Variants in IL6R observed in about 807,000 individuals in gnomAD.
The protein encoded by IL6R is interleukin 6 receptor, also known as interleukin-6 receptor subunit alpha.
Under a neutral mutation model 48.3 loss-of-function variants are expected in IL6R, and 38 were observed. The ratio of observed to expected loss-of-function variants is 0.79; its 90% confidence interval spans 0.61 to 1.03. The LOEUF (loss-of-function observed/expected upper bound fraction) is 1.03. Ranked by LOEUF, IL6R falls within the 50% of genes least tolerant of loss-of-function variation. The pLI is 0.00. For synonymous variants in IL6R, 264 were observed against 256.2 expected, an observed-to-expected ratio of 1.03 and a Z score of -0.29; for missense variants, 534 against 618.3, an observed-to-expected ratio of 0.86 and a Z score of 1.45.
intron 9 of IL6R, among the ~76,000 whole-genome samples, chr1:154,456,482 C>T (rs1690897881): frequency 6.6e-6 from 1 of 152,166 alleles, no homozygotes; most frequent in Non-Finnish European, 1.5e-5. Context: ...GCTGGGATTA[C>T]AGGCGTGAGC....
rs187865478 is a variant in IL6R at position 154,426,507 on chromosome 1, C to T, written c.86-2689C>T. Among the ~76,000 whole-genome samples, 361 of 135,334 alleles carry T rather than the reference C, an allele frequency of 2.7e-3. 1 individual carries two copies. The highest frequency in any genetic ancestry group is 7.6e-3 in the Middle Eastern group (2 of 262). 88.8% of individuals were successfully genotyped at this position (135,334 alleles called of 152,430 possible). On this transcript the variant is annotated intron_variant, in intron 1 of 9. Coordinates refer to ENST00000368485, the MANE Select transcript of IL6R (RefSeq NM_000565.4). The stretch of plus-strand genomic sequence containing the variant: ...TTGCACTCCAGCCTGGGTGATAGAG[C>T]GAGATTCTGTCTCAAAAAAAAAAAA...
intron 8 of IL6R, chr1:154,454,284 A>G: frequency 1.7e-6 from 1 of 588,270 alleles, no homozygotes; most frequent in Admixed American, 3.0e-5. Flanking sequence ...TAAGAAACAA[A>G]CAAACAAACA....
intron 9 of IL6R, 138 bp from the exon 10 acceptor site, chr1:154,464,996 G>A (rs1362557895): frequency 1.1e-6 from 1 of 882,384 alleles, no homozygotes; most frequent in Non-Finnish European, 1.8e-6. Context: ...AAAGACAGCT[G>A]ATAGTTATTG....
At position 154,405,579 on chromosome 1, in the gene IL6R, A is replaced by G. The variant is rs1558292618; in HGVS notation, c.-51A>G. On this transcript the variant is annotated 5_prime_UTR_variant, in exon 1 of 10. Coordinates refer to ENST00000368485, the MANE Select transcript of IL6R (RefSeq NM_000565.4). This position sits in a 1 kb window ranked among gnomAD's most constrained non-coding sequence, Gnocchi z 5.2. ...CTGCCACCCCTGCCGCCCGGTTCCC[A>G]TTAGCCTGTCCGCCTCTGCGGGACC... is the stretch of plus-strand genomic sequence containing the variant. 9.1e-7 allele frequency: 1 copy of G among 1,093,132 alleles called. No homozygotes were observed. The highest frequency in any genetic ancestry group is 3.1e-5 in the Admixed American group (1 of 32,720). The allele number at this position is 1,093,132 out of a possible 1,614,324, so 67.7% of individuals were successfully genotyped here. A position where few individuals can be genotyped will look rare whatever the true frequency, so the allele number is the denominator to read the frequency against.
chr1:154,460,062 G>C (rs1261668729), intron 9 of IL6R, among the ~76,000 whole-genome samples: 1 of 152,030 alleles, frequency 6.6e-6, no homozygotes, highest in Non-Finnish European at 1.5e-5. Context: ...GTGGCAACTT[G>C]GTTTCTACAT....
chr1:154,413,829 ATC>A (rs369231171), intron 1 of IL6R, among the ~76,000 whole-genome samples: 290 of 111,676 alleles, frequency 2.6e-3, no homozygotes, highest in African/African-American at 7.4e-3. Context: ...CTTTTTTTCC[ATC>A]TCTCTCTCTC....
At chr1:154,408,601 A>G (rs1383028216) in intron 1 of IL6R, among the ~76,000 whole-genome samples, 1 of 151,894 alleles carries the variant, frequency 6.6e-6, no homozygotes, top group Admixed American at 6.6e-5. Flanking sequence ...CCTGACCCTG[A>G]CCCTCATCTC....
At chr1:154,451,504 T>C (rs114239456) in intron 8 of IL6R, among the ~76,000 whole-genome samples, 4,541 of 151,650 alleles carry the variant, frequency 0.03, 224 homozygotes, top group African/African-American at 0.11. Context: ...GGCCACAGAG[T>C]GAGATTCCAT....
chr1:154,454,850 C>G (rs1355006347), intron 9 of IL6R, among the ~76,000 whole-genome samples: 1 of 152,156 alleles, frequency 6.6e-6, no homozygotes, highest in Admixed American at 6.6e-5. Context: ...CTACAAAAAG[C>G]ATGCCATGGT....
At chr1:154,430,191 C>G (rs987651011) in intron 2 of IL6R, among the ~76,000 whole-genome samples, 3 of 152,184 alleles carry the variant, frequency 2.0e-5, no homozygotes, top group Non-Finnish European at 4.4e-5. Context: ...CTCCAAAGCC[C>G]TTTTTTTCGA....
chr1:154,412,990 A>C (rs1200711541), intron 1 of IL6R, among the ~76,000 whole-genome samples: 1 of 123,628 alleles, frequency 8.1e-6, no homozygotes, highest in African/African-American at 3.0e-5. Flanking sequence ...TACTGAGTTT[A>C]TTTATCTGGT....
At chr1:154,462,415 C>G (rs1228234185) in intron 9 of IL6R, among the ~76,000 whole-genome samples, 1 of 150,628 alleles carries the variant, frequency 6.6e-6, no homozygotes, top group Non-Finnish European at 1.5e-5. Context: ...TTCTTATTGC[C>G]CAGGCTGGAA....
Position 154,443,075 on chromosome 1 carries a change from C to T in IL6R, c.950-5050C>T, listed in dbSNP as rs548891160. ...GGCTGGAGCCCCTTTTCAAAGAGGG[C>T]GTGGGGCAAAATGCCTGGGAAAAGC... On this transcript the variant is annotated intron_variant, in intron 6 of 9. Transcript: ENST00000368485. 1.6e-4 allele frequency among the ~76,000 whole-genome samples: 25 copies of T among 152,222 alleles called. No individual in the cohort carries two copies. The South Asian group carries it at 3.1e-3, about 19-fold the overall frequency.
intron 9 of IL6R, among the ~76,000 whole-genome samples, chr1:154,463,908 G>C (rs4509570): frequency 0.67 from 102,260 of 152,028 alleles, 35,846 homozygotes; most frequent in East Asian, 0.83. Context: ...CAGTGGTGCC[G>C]ACAGTTGAGT....
chr1:154,452,015 G>A (rs1053162692), intron 8 of IL6R, among the ~76,000 whole-genome samples: 8 of 152,032 alleles, frequency 5.3e-5, no homozygotes, highest in African/African-American at 1.9e-4. Context: ...CTCAGCAAGC[G>A]TTGTCCTTGT....
At chr1:154,431,600 T>C (rs374229142) in intron 3 of IL6R, among the ~76,000 whole-genome samples, 11 of 152,294 alleles carry the variant, frequency 7.2e-5, no homozygotes, top group East Asian at 1.9e-4. Context: ...CAAAATGTCT[T>C]ATTACTGTAC....
chr1:154,446,359 T>C (rs763725219), intron 6 of IL6R, among the ~76,000 whole-genome samples: 74 of 152,162 alleles, frequency 4.9e-4, no homozygotes, highest in Non-Finnish European at 9.7e-4. Context: ...GTTTCCCCCT[T>C]ACTGGTGATG....
chr1:154,429,377 C>G lies in IL6R; in HGVS notation c.267C>G (p.His89Gln), dbSNP rs142365714. 3.1e-6 allele frequency: 5 copies of G among 1,613,954 alleles called. No homozygotes were observed. Among genetic ancestry groups the G allele is most frequent in the Non-Finnish European group, 4.2e-6 (5 of 1,179,994 alleles). The change falls in exon 2 of 10, where the codon CAC becomes CAG. Residue 89 changes from histidine (H) to glutamine (Q), a missense_variant. Transcript: ENST00000368485. ...RRLLLRSVQLHDSGNYSCYRA... is the reference protein window; with the variant it reads ...RRLLLRSVQLQDSGNYSCYRA... ...TGCTGCTGAGGTCGGTGCAGCTCCACGACTCTGGAAACTATTCATGCTACC... is the reference window on the plus strand; with the variant it reads ...TGCTGCTGAGGTCGGTGCAGCTCCAGGACTCTGGAAACTATTCATGCTACC...
At chr1:154,432,291 G>A (rs1183191517) in intron 3 of IL6R, among the ~76,000 whole-genome samples, 2 of 152,072 alleles carry the variant, frequency 1.3e-5, no homozygotes, top group African/African-American at 4.8e-5. Context: ...GATAGAGACT[G>A]TGGCTGGCAG....
Sources: allele counts gnomAD v4.1 joint callset (sites outside exome capture counted in the v4.1 genomes callset), GRCh38; gene constraint gnomAD v4.1.1; non-coding constraint Gnocchi (gnomAD v3.1); transcripts MANE v1.5; gene names NCBI Gene and HGNC (gene_info 2026-07-23, HGNC 2026-07-21).